Variants in PDGFD observed in about 807,000 individuals in gnomAD.
PDGFD encodes the protein platelet-derived growth factor D.
In PDGFD, 30 loss-of-function variants were observed where a neutral mutation model predicts 44.7. The ratio of observed to expected loss-of-function variants is 0.67; its 90% CI spans 0.50 to 0.91. The LOEUF is 0.91. Ranked by LOEUF, PDGFD falls within the 40% of genes least tolerant of loss-of-function variation. The pLI, the probability that PDGFD is intolerant of heterozygous loss-of-function variation, is 0.00. For synonymous variants in PDGFD, 173 were observed against 168.4 expected (o/e 1.03, Z -0.21); for missense variants, 445 against 457.8 (o/e 0.97, Z 0.25).
chr11:103,913,805 G>C (rs2134300270), intron 6 of PDGFD, among the ~76,000 whole-genome samples: 1 of 152,178 alleles, frequency 6.6e-6, no homozygotes, highest in South Asian at 2.1e-4. Context: ...AATAAAAAAT[G>C]ATAAAGGGGA....
chr11:103,964,369 T>C (rs1488204607), intron 3 of PDGFD, among the ~76,000 whole-genome samples: 2 of 152,068 alleles, frequency 1.3e-5, no homozygotes, highest in Non-Finnish European at 2.9e-5. Context: ...CATTTCAGGG[T>C]TGTTAATGCA....
chr11:103,975,061 G>A (rs1859162509), intron 3 of PDGFD, among the ~76,000 whole-genome samples: 1 of 152,148 alleles, frequency 6.6e-6, no homozygotes, highest in Admixed American at 6.5e-5. Flanking sequence ...GACCCTTGAG[G>A]AATCGCCACA....
chr11:104,038,175 C>G, intron 1 of PDGFD: 1 of 710,904 alleles, frequency 1.4e-6, no homozygotes, highest in East Asian at 2.7e-5. Context: ...ATCCTGATTC[C>G]TTGGTCTTGG....
intron 3 of PDGFD, among the ~76,000 whole-genome samples, chr11:103,950,823 G>A (rs1412744197): frequency 6.6e-6 from 1 of 152,154 alleles, no homozygotes; most frequent in Admixed American, 6.5e-5. Flanking sequence ...GAAGCTGAGT[G>A]CTGGTGGGTG....
At chr11:104,114,916 A>G (rs1861611432) in intron 1 of PDGFD, among the ~76,000 whole-genome samples, 1 of 150,150 alleles carries the variant, frequency 6.7e-6, no homozygotes, top group Admixed American at 6.7e-5. Context: ...TTATTTCCAT[A>G]GGTTGTTGGG....
intron 5 of PDGFD, among the ~76,000 whole-genome samples, chr11:103,932,929 A>G (rs1256502527): frequency 6.6e-6 from 1 of 152,152 alleles, no homozygotes; most frequent in Non-Finnish European, 1.5e-5. Context: ...GTTAGGTTAG[A>G]ATTAAGAAAC....
At chr11:104,011,022 G>A (rs543911720) in intron 1 of PDGFD, among the ~76,000 whole-genome samples, 1 of 152,146 alleles carries the variant, frequency 6.6e-6, no homozygotes, top group East Asian at 1.9e-4. Flanking sequence ...GGAGTAACAA[G>A]ATTTAGCATT....
At chr11:104,137,594 G>A (rs1232733409) in intron 1 of PDGFD, among the ~76,000 whole-genome samples, 7 of 152,106 alleles carry the variant, frequency 4.6e-5, no homozygotes, top group African/African-American at 1.4e-4. Context: ...CGGTCGAGTT[G>A]ATAGATCTCA....
At chr11:104,009,748 G>A (rs946638287) in intron 1 of PDGFD, among the ~76,000 whole-genome samples, 2 of 152,070 alleles carry the variant, frequency 1.3e-5, no homozygotes, top group African/African-American at 4.8e-5. Flanking sequence ...AACTTAAAAA[G>A]TACAGGGTTG....
intron 6 of PDGFD, among the ~76,000 whole-genome samples, chr11:103,923,316 T>C (rs1192032637): frequency 4.6e-5 from 7 of 152,176 alleles, no homozygotes; most frequent in African/African-American, 1.7e-4. Flanking sequence ...CACATTTTAC[T>C]GCACAGTGAA....
chr11:104,092,417 G>T (rs1050195665), intron 1 of PDGFD, among the ~76,000 whole-genome samples: 3 of 152,000 alleles, frequency 2.0e-5, no homozygotes, highest in Non-Finnish European at 2.9e-5. Context: ...GAACAACCGA[G>T]GACCTACTCC....
chr11:104,004,482 T>C (rs1263749100), intron 1 of PDGFD, among the ~76,000 whole-genome samples: 2 of 152,220 alleles, frequency 1.3e-5, no homozygotes, highest in African/African-American at 4.8e-5. Context: ...TACATCATTT[T>C]ATATAATGGG....
intron 6 of PDGFD, among the ~76,000 whole-genome samples, chr11:103,916,015 C>T (rs1202325324): frequency 6.6e-6 from 1 of 152,124 alleles, no homozygotes; most frequent in African/African-American, 2.4e-5. Context: ...CAATACCATT[C>T]AGGATATGGA....
chr11:104,162,457 T>TAAAA (rs542414749), intron 1 of PDGFD, among the ~76,000 whole-genome samples: 1 of 151,766 alleles, frequency 6.6e-6, no homozygotes, highest in African/African-American at 2.4e-5. Context: ...TTAAGTGTAG[T>TAAAA]AAAAAAATAA....
chr11:104,143,533 G>C (rs1463769601), intron 1 of PDGFD, among the ~76,000 whole-genome samples: 1 of 152,162 alleles, frequency 6.6e-6, no homozygotes, highest in East Asian at 1.9e-4. Context: ...GGTAACCCAA[G>C]CTCTTTGGGG....
intron 1 of PDGFD, among the ~76,000 whole-genome samples, chr11:104,042,912 T>C (rs1173129547): frequency 3.3e-5 from 5 of 152,218 alleles, no homozygotes; most frequent in African/African-American, 1.2e-4. Flanking sequence ...TTCTGTCATG[T>C]CTAAGGATTC....
intron 1 of PDGFD, among the ~76,000 whole-genome samples, chr11:104,017,228 T>C (rs1859871529): frequency 6.6e-6 from 1 of 152,200 alleles, no homozygotes; most frequent in African/African-American, 2.4e-5. Context: ...CCTGTAGAAA[T>C]GTGAGAAATA....
At chr11:103,929,705 C>G (rs1289108532) in intron 5 of PDGFD, among the ~76,000 whole-genome samples, 1 of 152,202 alleles carries the variant, frequency 6.6e-6, no homozygotes, top group African/African-American at 2.4e-5. Context: ...AGAATTAGAA[C>G]TGAAAGGTTG....
At chr11:104,008,945 T>C (rs1290505790) in intron 1 of PDGFD, among the ~76,000 whole-genome samples, 1 of 152,046 alleles carries the variant, frequency 6.6e-6, no homozygotes, top group Non-Finnish European at 1.5e-5. Context: ...CATTTAAAGA[T>C]AACAAATAAA....
Sources: gnomAD v4.1 joint callset for allele counts (sites outside exome capture counted in the v4.1 genomes callset) on GRCh38, gnomAD v4.1.1 for gene constraint, MANE v1.5 for transcripts, NCBI Gene and HGNC (gene_info 2026-07-23, HGNC 2026-07-21) for gene names.